The following SRGAP2B variants were observed in gnomAD, a reference collection of about 807,000 sequenced individuals.
SRGAP2B encodes the protein SLIT-ROBO Rho GTPase activating protein 2B.
In SRGAP2B, 9 loss-of-function variants were observed where a neutral mutation model predicts 22.2. That is an observed-to-expected ratio of 0.41 (90% confidence interval 0.24 to 0.71). The LOEUF (loss-of-function observed/expected upper bound fraction) is 0.71, where lower values mean the gene tolerates loss of function less well. SRGAP2B is among the 30% of genes least tolerant of loss of function. SRGAP2B has a pLI of 0.35. For synonymous variants in SRGAP2B, 36 were observed against 87.4 expected (o/e 0.41, Z 3.28); for missense variants, 114 against 235.8 (o/e 0.48, Z 3.38).
intron 2 of SRGAP2B, among the ~76,000 whole-genome samples, chr1:145,031,697 A>C (rs1648351029): frequency 6.9e-6 from 1 of 144,498 alleles, no homozygotes; most frequent in Admixed American, 6.7e-5. Context: ...AATACAAAAA[A>C]TTAGCCCGGA....
At chr1:144,920,119 A>G (rs1401795669) in intron 4 of SRGAP2B, among the ~76,000 whole-genome samples, 1 of 150,922 alleles carries the variant, frequency 6.6e-6, no homozygotes, top group Non-Finnish European at 1.5e-5. Context: ...GCGTTTTTAC[A>G]GAGTGCTGAT....
intron 2 of SRGAP2B, among the ~76,000 whole-genome samples, chr1:145,009,152 G>A (rs1553621756): frequency 7.0e-6 from 1 of 142,618 alleles, no homozygotes; most frequent in Non-Finnish European, 1.5e-5. Context: ...ACTCCAGCCT[G>A]GGCGACAGAG....
chr1:145,038,296 T>C (rs587697945), intron 2 of SRGAP2B, among the ~76,000 whole-genome samples: 1 of 108,124 alleles, frequency 9.2e-6, no homozygotes, highest in Admixed American at 9.8e-5. Context: ...GAACATATAT[T>C]CATATCTCCT....
At chr1:144,927,441 G>C (rs1177415281) in intron 4 of SRGAP2B, among the ~76,000 whole-genome samples, 4 of 150,504 alleles carry the variant, frequency 2.7e-5, no homozygotes, top group African/African-American at 1.0e-4. Context: ...ATTTTTGAAG[G>C]GTATTCCTTT....
chr1:144,945,704 G>A (rs1450946472), intron 4 of SRGAP2B, among the ~76,000 whole-genome samples: 1 of 146,596 alleles, frequency 6.8e-6, no homozygotes. Flanking sequence ...AATAATGGAG[G>A]CCAGAAGGCA....
At chr1:144,960,452 T>C (rs1283552964) in intron 3 of SRGAP2B, among the ~76,000 whole-genome samples, 1 of 150,352 alleles carries the variant, frequency 6.7e-6, no homozygotes, top group Non-Finnish European at 1.5e-5. Flanking sequence ...CCTGCATAGC[T>C]GAATCATTAG....
intron 2 of SRGAP2B, among the ~76,000 whole-genome samples, chr1:144,999,372 C>CA (rs1670961085): frequency 1.3e-5 from 2 of 148,184 alleles, no homozygotes; most frequent in African/African-American, 5.2e-5. Flanking sequence ...TATATACATC[C>CA]AAACAGCCTC....
intron 3 of SRGAP2B, among the ~76,000 whole-genome samples, chr1:144,957,107 C>T (rs1213343640): frequency 6.6e-6 from 1 of 150,484 alleles, no homozygotes; most frequent in Non-Finnish European, 1.5e-5. Context: ...AAAGCGAGTA[C>T]TCTCATTCAC....
intron 2 of SRGAP2B, among the ~76,000 whole-genome samples, chr1:145,006,680 A>G (rs1188020033): frequency 6.6e-6 from 1 of 150,992 alleles, no homozygotes; most frequent in East Asian, 1.9e-4. Context: ...GAACTGATTT[A>G]GTTGACCACA....
chr1:145,001,402 GCT>G (rs1671143888), intron 2 of SRGAP2B, among the ~76,000 whole-genome samples: 2 of 148,030 alleles, frequency 1.4e-5, no homozygotes, highest in African/African-American at 2.6e-5. Flanking sequence ...CCTTCCGGGT[GCT>G]CTGGGAATAC....
chr1:145,007,496 T>C (rs1223578814), intron 2 of SRGAP2B, among the ~76,000 whole-genome samples: 2 of 150,850 alleles, frequency 1.3e-5, no homozygotes. Context: ...TTACCATTTC[T>C]TCTTGAAGGC....
chr1:144,970,051 A>G (rs1553612975), intron 3 of SRGAP2B, among the ~76,000 whole-genome samples: 1 of 149,790 alleles, frequency 6.7e-6, no homozygotes. Context: ...TGTTGGTGGG[A>G]CTGTAAACTA....
chr1:144,953,307 G>A (rs1425174316), intron 4 of SRGAP2B, among the ~76,000 whole-genome samples: 253 of 151,360 alleles, frequency 1.7e-3, no homozygotes, highest in African/African-American at 5.7e-3. Context: ...GGGGATTTAG[G>A]GTGGGGAGAT....
At chr1:145,009,020 CA>C (rs1373805269) in intron 2 of SRGAP2B, among the ~76,000 whole-genome samples, 17 of 143,126 alleles carry the variant, frequency 1.2e-4, no homozygotes, top group Non-Finnish European at 2.6e-4. Flanking sequence ...AAAAAAAATA[CA>C]AAAAAAGTAG....
intron 2 of SRGAP2B, among the ~76,000 whole-genome samples, chr1:145,044,651 A>T (rs1571080226): frequency 1.8e-4 from 2 of 11,160 alleles, no homozygotes; most frequent in Non-Finnish European, 4.3e-4. Context: ...ACCCCCTCCT[A>T]AAAAAAAAAA....
chr1:145,015,286 C>T (rs1285978576), intron 2 of SRGAP2B, among the ~76,000 whole-genome samples: 3 of 102,302 alleles, frequency 2.9e-5, no homozygotes, highest in East Asian at 5.9e-4. Context: ...ACCATGTTGG[C>T]CAGGTTGGTC....
At chr1:145,007,460 G>A (rs1671682665) in intron 2 of SRGAP2B, among the ~76,000 whole-genome samples, 1 of 150,970 alleles carries the variant, frequency 6.6e-6, no homozygotes, top group Admixed American at 6.6e-5. Flanking sequence ...AGGTGTATGT[G>A]TTGGGAAAGA....
At position 144,956,774 on chromosome 1, in the gene SRGAP2B, T is replaced by C. The variant is rs1263665943; in HGVS notation, c.261-1173A>G. Reference sequence around the variant, plus strand: ...TAGATGCTCATTTCTAATGAAAACATTGTGATCCAAAAGAATTATTGATTA... The same window carrying C: ...TAGATGCTCATTTCTAATGAAAACACTGTGATCCAAAAGAATTATTGATTA... On this transcript the variant is annotated intron_variant, in intron 3 of 9. Transcript: ENST00000612199. Among the ~76,000 whole-genome samples the C allele has an allele frequency of 3.3e-5, 5 of 149,938 alleles. No individual in the cohort carries two copies. In the East Asian group the frequency reaches 7.8e-4, roughly 23 times the overall value.
chr1:144,952,832 G>A (rs1553609624), intron 4 of SRGAP2B, among the ~76,000 whole-genome samples: 1 of 150,572 alleles, frequency 6.6e-6, no homozygotes, highest in Non-Finnish European at 1.5e-5. Context: ...TAGAGACAAG[G>A]TCTTGTTATG....
Sources: allele counts gnomAD v4.1 joint callset (sites outside exome capture counted in the v4.1 genomes callset), GRCh38; gene constraint gnomAD v4.1.1; transcripts MANE v1.5; gene names NCBI Gene and HGNC (gene_info 2026-07-23, HGNC 2026-07-21).